SEC61A2: variants seen among roughly 807,000 people sequenced by gnomAD.
The protein encoded by SEC61A2 is SEC61 translocon subunit alpha 2, also known as protein transport protein Sec61 subunit alpha isoform 2.
In SEC61A2, 28 loss-of-function variants were observed where a neutral mutation model predicts 59.9. The ratio of observed to expected loss-of-function variants is 0.47; its 90% CI spans 0.35 to 0.64. The LOEUF is 0.64. Among genes scored for constraint, SEC61A2 ranks in the 30% least tolerant of loss-of-function variants. The pLI is 0.01. For missense variants in SEC61A2, 340 were observed against 585.9 expected (o/e 0.58, Z 4.33); for synonymous variants, 202 against 214.4 (o/e 0.94, Z 0.50).
chr10:12,141,395 A>G (rs1834016334), intron 3 of SEC61A2, among the ~76,000 whole-genome samples: 2 of 152,136 alleles, frequency 1.3e-5, no homozygotes, highest in Admixed American at 6.5e-5. Flanking sequence ...TCATATAGAG[A>G]AGGTTTTTGA....
chr10:12,155,230 A>C lies in SEC61A2; in HGVS notation c.463-548A>C. ...GCTGCTCGAGTACGTATTTGAGTAC[A>C]TATTTGTGTTCTAGTTTTTTATTCT... is the stretch of plus-strand genomic sequence containing the variant. On this transcript the variant is annotated intron_variant, in intron 6 of 11. Coordinates refer to ENST00000298428, the MANE Select transcript of SEC61A2 (RefSeq NM_018144.4). This position sits in a 1 kb window ranked among gnomAD's most constrained non-coding sequence, Gnocchi z 4.3. 4 of 958,036 alleles carry C rather than the reference A, an allele frequency of 4.2e-6. No homozygotes were observed. Among genetic ancestry groups the C allele is most frequent in the Non-Finnish European group, 5.7e-6 (4 of 702,994 alleles). The allele number at this position is 958,036 out of a possible 1,614,324, so 59.3% of individuals were successfully genotyped here. A position where few individuals can be genotyped will look rare whatever the true frequency, so the allele number is the denominator to read the frequency against.
chr10:12,167,568 A>G, downstream of SEC61A2: 1 of 770,456 alleles, frequency 1.3e-6, no homozygotes. Flanking sequence ...CCATACCACC[A>G]CCACATCTGT....
At chr10:12,148,815 C>T (rs572664413) in intron 4 of SEC61A2, among the ~76,000 whole-genome samples, 93 of 151,968 alleles carry the variant, frequency 6.1e-4, no homozygotes, top group African/African-American at 8.4e-4. Context: ...TGAGCCACCA[C>T]GCCTGGCCAA....
At position 12,164,831 on chromosome 10, in the gene SEC61A2, TTCCAG is replaced by T. The variant is rs1361903356; in HGVS notation, c.*379_*383del. 3 of 1,007,840 alleles carry T rather than the reference TTCCAG, an allele frequency of 3.0e-6. No individual in the cohort carries two copies. Among genetic ancestry groups the T allele is most frequent in the Non-Finnish European group, 1.2e-6 (1 of 844,426 alleles). The allele number at this position is 1,007,840 out of a possible 1,614,324, so 62.4% of individuals were successfully genotyped here. ...AATAAATGTAGTTCAAATTGCCACT[TTCCAG>T]TATTTTTGAGCTTATTTAATGAGTT... On this transcript the variant is annotated 3_prime_UTR_variant, in exon 12 of 12. Transcript: ENST00000298428. This position sits in a 1 kb window ranked among gnomAD's most constrained non-coding sequence, Gnocchi z 7.3.
chr10:12,138,899 A>C (rs781318865), intron 3 of SEC61A2, among the ~76,000 whole-genome samples: 1 of 152,318 alleles, frequency 6.6e-6, no homozygotes, highest in Non-Finnish European at 1.5e-5. Flanking sequence ...TTTATAGTAA[A>C]TGTATGCTCA....
chr10:12,140,822 G>A (rs1403701642), intron 3 of SEC61A2, among the ~76,000 whole-genome samples: 1 of 151,950 alleles, frequency 6.6e-6, no homozygotes, highest in East Asian at 1.9e-4. Flanking sequence ...GGATGATCTC[G>A]ATTTCCTGAC....
chr10:12,133,654 C>T (rs954000349), intron 2 of SEC61A2, among the ~76,000 whole-genome samples: 1 of 152,196 alleles, frequency 6.6e-6, no homozygotes, highest in African/African-American at 2.4e-5. Flanking sequence ...AATGATGTCA[C>T]CTACTGGACT....
downstream of SEC61A2, among the ~76,000 whole-genome samples, chr10:12,168,401 T>C (rs1390632639): frequency 6.6e-6 from 1 of 152,138 alleles, no homozygotes; most frequent in African/African-American, 2.4e-5. The surrounding 1 kb of genome is among the most constrained non-coding windows in gnomAD (Gnocchi z 4.8). Context: ...ATAGCTGGGG[T>C]AGGGCTTTGC....
chr10:12,157,781 C>G lies in SEC61A2; in HGVS notation c.778-127C>G, dbSNP rs566944414. 4.5e-5 allele frequency: 38 copies of G among 835,874 alleles called. 1 individual carries two copies. The highest frequency in any genetic ancestry group is 3.1e-4 in the South Asian group (18 of 58,784). The allele number at this position is 835,874 out of a possible 1,614,324, so 51.8% of individuals were successfully genotyped here. A position where few individuals can be genotyped will look rare whatever the true frequency, so the allele number is the denominator to read the frequency against. On this transcript the variant is annotated intron_variant, in intron 8 of 11. Coordinates refer to ENST00000298428, the MANE Select transcript of SEC61A2 (RefSeq NM_018144.4). Reference sequence around the variant, plus strand: ...CTCCCAAAGTGTTGGGATTACAGGCCTGAGCCCCTGTGCCCGGCCGGCATT... The same window carrying G: ...CTCCCAAAGTGTTGGGATTACAGGCGTGAGCCCCTGTGCCCGGCCGGCATT...
chr10:12,153,774 G>T lies in SEC61A2; in HGVS notation c.463-2004G>T, dbSNP rs987515983. ...ATTGAAAATATGTGGATACACTGAAGAGCTATGATTGGATCAGTGTGTTTC... is the reference window on the plus strand; with the variant it reads ...ATTGAAAATATGTGGATACACTGAATAGCTATGATTGGATCAGTGTGTTTC... On this transcript the variant is annotated intron_variant, in intron 6 of 11. Transcript: ENST00000298428. This position sits in a 1 kb window ranked among gnomAD's most constrained non-coding sequence, Gnocchi z 5.2. 3 of 1,610,744 alleles carry T rather than the reference G, an allele frequency of 1.9e-6. No homozygotes were observed. Among genetic ancestry groups the T allele is most frequent in the Non-Finnish European group, 2.5e-6 (3 of 1,179,258 alleles).
At chr10:12,157,176 A>T (rs1181731327) in intron 8 of SEC61A2, 109 bp downstream of exon 8, 18 of 1,116,222 alleles carry the variant, frequency 1.6e-5, no homozygotes. Context: ...TTTAAGATCA[A>T]GGGAAATAAA....
rs567411845 is a variant in SEC61A2, at chr10:12,135,143, G to A, written c.76-962G>A. On this transcript the variant is annotated intron_variant, in intron 2 of 11. Transcript: ENST00000298428. ...CAGGGAGGGGGAACATCACACAGGG[G>A]CCTGTGGGGGTAGGGGGAAAGGGGA... Among the ~76,000 whole-genome samples, 4 of 147,882 alleles carry A rather than the reference G, an allele frequency of 2.7e-5. 1 individual carries two copies. The highest frequency in any genetic ancestry group is 7.5e-5 in the African/African-American group (3 of 39,914).
In SEC61A2 at chr10:12,160,334, T is replaced by C. The variant is rs1444811530; in HGVS notation, c.976-596T>C. On this transcript the variant is annotated intron_variant, in intron 9 of 11. Transcript: ENST00000298428. This position sits in a 1 kb window ranked among gnomAD's most constrained non-coding sequence, Gnocchi z 4.1. ...TGTAATCATCGCAACTAAAAATTGG[T>C]TTCTCACCCCCTATCTGTATACCCC... Among the ~76,000 whole-genome samples the C allele has an allele frequency of 6.6e-6, 1 of 152,194 alleles. No individual in the cohort carries two copies. Among genetic ancestry groups the C allele is most frequent in the Non-Finnish European group, 1.5e-5 (1 of 68,020 alleles).
In SEC61A2 at chr10:12,164,479, G is replaced by T. The variant is rs772567304; in HGVS notation, c.*25G>T. ...AATGTTCAAATATTTCATTTTGTGC[G>T]TGTGAAAGGGAAAACACTTTGACGG... is the stretch of plus-strand genomic sequence containing the variant. On this transcript the variant is annotated 3_prime_UTR_variant, in exon 12 of 12. Coordinates refer to ENST00000298428, the MANE Select transcript of SEC61A2 (RefSeq NM_018144.4). This position sits in a 1 kb window ranked among gnomAD's most constrained non-coding sequence, Gnocchi z 7.3. 6.2e-7 allele frequency: 1 copy of T among 1,603,576 alleles called. No homozygotes were observed. The highest frequency in any genetic ancestry group is 1.3e-5 in the African/African-American group (1 of 74,336).
chr10:12,136,257 T>C, intron 3 of SEC61A2, 87 bp downstream of exon 3: 7 of 828,690 alleles, frequency 8.4e-6, no homozygotes, highest in Non-Finnish European at 1.0e-5. Context: ...TTTGTTAAAA[T>C]AAAGAATACA....
intron 2 of SEC61A2, among the ~76,000 whole-genome samples, chr10:12,134,828 G>A (rs1230465319): frequency 6.6e-6 from 1 of 151,764 alleles, no homozygotes; most frequent in Non-Finnish European, 1.5e-5. Flanking sequence ...TGAGGCAGGA[G>A]AATCGCTTGA....
chr10:12,154,089 C>T lies in SEC61A2; in HGVS notation c.463-1689C>T, dbSNP rs1367357246. ...AAAATGTTAAGTGCCATGTTTATACCGGCTCATCATACATGTCGTCCATTC... is the reference window on the plus strand; with the variant it reads ...AAAATGTTAAGTGCCATGTTTATACTGGCTCATCATACATGTCGTCCATTC... On this transcript the variant is annotated intron_variant, in intron 6 of 11. Coordinates refer to ENST00000298428, the MANE Select transcript of SEC61A2 (RefSeq NM_018144.4). The surrounding 1 kb of genome is among the most constrained non-coding windows in gnomAD (Gnocchi z 5.2). 4.6e-5 allele frequency among the ~76,000 whole-genome samples: 7 copies of T among 152,208 alleles called. No individual in the cohort carries two copies. Among genetic ancestry groups the T allele is most frequent in the East Asian group, 3.9e-4 (2 of 5,192 alleles).
rs935866682 is a variant in SEC61A2 at position 12,161,307 on chromosome 10, C to T, written c.1167+186C>T. Among the ~76,000 whole-genome samples the T allele has an allele frequency of 7.9e-5, 12 of 152,172 alleles. No homozygotes were observed. Among genetic ancestry groups the T allele is most frequent in the Non-Finnish European group, 1.6e-4 (11 of 68,010 alleles). On this transcript the variant is annotated intron_variant, in intron 10 of 11. Transcript: ENST00000298428. This position sits in a 1 kb window ranked among gnomAD's most constrained non-coding sequence, Gnocchi z 5.4. Reference sequence around the variant, plus strand: ...AATACAAATAAAAATCGGCCGGGCACGGTGGTGCAAGCCCGTGGTCCCAGC... The same window carrying T: ...AATACAAATAAAAATCGGCCGGGCATGGTGGTGCAAGCCCGTGGTCCCAGC...
intron 4 of SEC61A2, among the ~76,000 whole-genome samples, chr10:12,146,818 A>G (rs551978623): frequency 3.3e-5 from 5 of 151,942 alleles, no homozygotes; most frequent in African/African-American, 1.2e-4. Context: ...GCGCCCAGCC[A>G]GTTTGTTCAC....
Sources: allele counts gnomAD v4.1 joint callset (sites outside exome capture counted in the v4.1 genomes callset), GRCh38; gene constraint gnomAD v4.1.1; non-coding constraint Gnocchi (gnomAD v3.1); transcripts MANE v1.5; gene names NCBI Gene and HGNC (gene_info 2026-07-23, HGNC 2026-07-21).